Variants in OR4K1 observed in about 807,000 individuals in gnomAD.
The protein encoded by OR4K1 is olfactory receptor family 4 subfamily K member 1.
In OR4K1, 16 loss-of-function variants were observed where a neutral mutation model predicts 14.4. That is an observed-to-expected ratio of 1.11 (90% CI 0.75 to 1.68). The LOEUF is 1.68. OR4K1 is among the 40% of genes most tolerant of loss of function. The pLI is 0.00. For missense variants in OR4K1, 548 were observed against 376.9 expected, an observed-to-expected ratio of 1.45 and a Z score of -3.76; for synonymous variants, 181 against 133.1, an observed-to-expected ratio of 1.36 and a Z score of -2.48.
the OR4K1 span, chr14:19,920,731 ATCT>A: frequency 2.2e-5 from 35 of 1,613,950 alleles, no homozygotes; most frequent in East Asian, 8.9e-5. Context: ...GTGCTGGGAA[ATCT>A]TCTCATTATC....
chr14:19,936,742 C>T lies in OR4K1; in HGVS notation c.*140C>T. 1.6e-6 allele frequency: 1 copy of T among 611,224 alleles called. No homozygotes were observed. The highest frequency in any genetic ancestry group is 2.6e-6 in the Non-Finnish European group (1 of 389,162). The allele number at this position is 611,224 out of a possible 1,614,324, so 37.9% of individuals were successfully genotyped here. ...TTTTGTTTTAAGTGCAAGGGAATTG[C>T]ATCAAGTCAGTCTCTGGTTCTATTT... On this transcript the variant is annotated 3_prime_UTR_variant, in exon 2 of 2. Transcript: ENST00000641172.
upstream of OR4K1, among the ~76,000 whole-genome samples, chr14:19,929,359 CTG>C (rs59130422): frequency 0.051 from 7,266 of 143,698 alleles, 121 homozygotes; most frequent in African/African-American, 0.11. Context: ...ATATCACACT[CTG>C]TGTGTGTGTG....
chr14:19,930,757 G>T (rs370814754), upstream of OR4K1, among the ~76,000 whole-genome samples: 20 of 152,290 alleles, frequency 1.3e-4, no homozygotes, highest in Non-Finnish European at 2.6e-4. Context: ...TCCATTTCTG[G>T]AAAATTATTT....
upstream of OR4K1, among the ~76,000 whole-genome samples, chr14:19,929,238 A>G (rs115252514): frequency 2.4e-4 from 36 of 149,164 alleles, no homozygotes; most frequent in African/African-American, 8.8e-4. Context: ...AAATATTATT[A>G]TATAGTTTAT....
chr14:19,934,454 T>A (rs1490505583), intron 1 of OR4K1, among the ~76,000 whole-genome samples: 1 of 152,252 alleles, frequency 6.6e-6, no homozygotes, highest in African/African-American at 2.4e-5. Context: ...TAAAACACAG[T>A]CAGAAGAAAG....
chr14:19,930,878 G>T (rs1378117444), upstream of OR4K1: 2 of 152,260 alleles, frequency 1.3e-5, no homozygotes, highest in East Asian at 1.9e-4. Context: ...GCTTTATATT[G>T]TATTGCCTTA....
chr14:19,922,073 C>CG, the OR4K1 span, among the ~76,000 whole-genome samples: 26 of 128,752 alleles, frequency 2.0e-4, no homozygotes, highest in Non-Finnish European at 4.7e-4. Flanking sequence ...TGAGACTCCC[C>CG]CCCCCAAAAA....
chr14:19,921,434 T>C, the OR4K1 span: 4 of 1,614,168 alleles, frequency 2.5e-6, no homozygotes, highest in East Asian at 2.2e-5. Context: ...TATTTTACAC[T>C]GTTTTCACCC....
intron 1 of OR4K1, among the ~76,000 whole-genome samples, chr14:19,934,503 G>A (rs1215400323): frequency 1.3e-5 from 2 of 152,232 alleles, no homozygotes; most frequent in East Asian, 3.8e-4. Context: ...TTCATTTATT[G>A]TTAATTGCTT....
At position 19,936,581 on chromosome 14, in the gene OR4K1, T is replaced by C; in HGVS notation, c.915T>C (p.His305=). ...KAAMWKLRNR[H]VNSWKN The stretch of plus-strand genomic sequence containing the variant: ...CCATGTGGAAGCTGAGAAACCGTCA[T>C]GTGAACTCCTGGAAAAACTAGGGAT... Residue 305 remains histidine, a synonymous_variant, in exon 2 of 2, where the codon CAT becomes CAC. Coordinates refer to ENST00000641172, the MANE Select transcript of OR4K1 (RefSeq NM_001004063.3). 13 of 1,601,544 alleles carry C rather than the reference T, an allele frequency of 8.1e-6. No individual in the cohort carries two copies. Among genetic ancestry groups the C allele is most frequent in the South Asian group, 1.1e-5 (1 of 89,320 alleles).
intron 1 of OR4K1, among the ~76,000 whole-genome samples, chr14:19,933,700 C>A (rs1172297452): frequency 5.3e-5 from 8 of 152,176 alleles, no homozygotes; most frequent in African/African-American, 1.7e-4. Context: ...TCAAGCGATT[C>A]TCCTGCCTCA....
In OR4K1 at chr14:19,936,755, T is replaced by A. The variant is rs1226312735; in HGVS notation, c.*153T>A. 1.2e-5 allele frequency: 6 copies of A among 506,890 alleles called. No homozygotes were observed. The highest frequency in any genetic ancestry group is 2.0e-5 in the African/African-American group (1 of 50,396). 31.4% of individuals were successfully genotyped at this position (506,890 alleles called of 1,614,324 possible). A position where few individuals can be genotyped will look rare whatever the true frequency, so the allele number is the denominator to read the frequency against. On this transcript the variant is annotated 3_prime_UTR_variant, in exon 2 of 2. Coordinates refer to ENST00000641172, the MANE Select transcript of OR4K1 (RefSeq NM_001004063.3). ...GCAAGGGAATTGCATCAAGTCAGTCTCTGGTTCTATTTAAATATAATGTTA... is the reference window on the plus strand; with the variant it reads ...GCAAGGGAATTGCATCAAGTCAGTCACTGGTTCTATTTAAATATAATGTTA...
Position 19,935,729 on chromosome 14 carries a change from G to C in OR4K1, c.63G>C (p.Trp21Cys), listed in dbSNP as rs1407164911. The change falls in exon 2 of 2, where the codon TGG becomes TGC. Residue 21 changes from tryptophan to cysteine, a missense_variant. Coordinates refer to ENST00000641172, the MANE Select transcript of OR4K1 (RefSeq NM_001004063.3). Reference sequence around the variant, plus strand: ...TACTTTTGGGACTCTCTAATTCCTGGGGACTTCAACTTTTCTTTTTTGCCA... The same window carrying C: ...TACTTTTGGGACTCTCTAATTCCTGCGGACTTCAACTTTTCTTTTTTGCCA... ...EFVLLGLSNS[W>C]GLQLFFFAIF... 2 of 1,613,844 alleles carry C rather than the reference G, an allele frequency of 1.2e-6. No homozygotes were observed. The highest frequency in any genetic ancestry group is 1.7e-5 in the Admixed American group (1 of 59,958).
At chr14:19,928,042 A>T (rs191729844), upstream of OR4K1, among the ~76,000 whole-genome samples, 31 of 152,378 alleles carry the variant, frequency 2.0e-4, no homozygotes, top group East Asian at 5.8e-3. Flanking sequence ...CTCAGATAAA[A>T]GTCTGTTGTT....
chr14:19,935,558 T>C (rs1190298415), intron 1 of OR4K1, 90 bp from the exon 2 acceptor site: 1 of 995,772 alleles, frequency 1.0e-6, no homozygotes, highest in African/African-American at 1.6e-5. Flanking sequence ...CTATTTCTTT[T>C]GTTTAGAATT....
chr14:19,920,560 T>C, the OR4K1 span: 3 of 1,536,668 alleles, frequency 2.0e-6, no homozygotes, highest in Non-Finnish European at 1.7e-6. Flanking sequence ...TCCTTTCTAT[T>C]TATCCTCCTT....
the OR4K1 span, among the ~76,000 whole-genome samples, chr14:19,923,441 T>C: frequency 6.6e-6 from 1 of 152,374 alleles, no homozygotes; most frequent in Non-Finnish European, 1.5e-5. Context: ...TCTTAAAATA[T>C]TATTTCAGGA....
chr14:19,934,665 T>A (rs1298810884), intron 1 of OR4K1, among the ~76,000 whole-genome samples: 2 of 150,824 alleles, frequency 1.3e-5, no homozygotes, highest in Non-Finnish European at 2.9e-5. Flanking sequence ...TTCTTTTTTC[T>A]TCTTTTAACA....
At chr14:19,921,232 G>A in the OR4K1 span, 2 of 1,614,166 alleles carry the variant, frequency 1.2e-6, no homozygotes, top group South Asian at 2.2e-5. Flanking sequence ...CTTTCCCTAA[G>A]CACTTTCTCT....
Sources: allele counts gnomAD v4.1 joint callset (sites outside exome capture counted in the v4.1 genomes callset), GRCh38; gene constraint gnomAD v4.1.1; transcripts MANE v1.5; gene names NCBI Gene and HGNC (gene_info 2026-07-23, HGNC 2026-07-21).